The following RAB39A variants were observed in gnomAD, a reference collection of about 807,000 sequenced individuals.
RAB39A encodes ras-related protein Rab-39A.
A neutral mutation model predicts 20.9 loss-of-function variants in RAB39A; 17 were observed. That is an observed-to-expected ratio of 0.81 (90% CI 0.56 to 1.22). RAB39A has a LOEUF of 1.22. RAB39A is among the 50% of genes most tolerant of loss of function. RAB39A has a pLI of 0.00. For synonymous variants in RAB39A, 99 were observed against 103.4 expected (o/e 0.96, Z 0.26); for missense variants, 234 against 270.5 (o/e 0.87, Z 0.95).
At chr11:107,938,669 G>A (rs965284716) in intron 1 of RAB39A, among the ~76,000 whole-genome samples, 3 of 150,396 alleles carry the variant, frequency 2.0e-5, no homozygotes, top group Non-Finnish European at 4.4e-5. Flanking sequence ...CCCAAAGGTC[G>A]AGGCTGCAGT....
intron 1 of RAB39A, among the ~76,000 whole-genome samples, chr11:107,949,848 C>T (rs1442519449): frequency 1.3e-5 from 2 of 152,122 alleles, no homozygotes; most frequent in East Asian, 3.8e-4. Context: ...TAAATTACTA[C>T]CCATTTAAAT....
intron 1 of RAB39A, among the ~76,000 whole-genome samples, chr11:107,937,216 G>A (rs1333179402): frequency 6.6e-6 from 1 of 151,632 alleles, no homozygotes; most frequent in Non-Finnish European, 1.5e-5. Context: ...GCTCACTGCA[G>A]CCCAAACTCT....
At chr11:107,946,394 A>ATGTGTGTG (rs1421648814) in intron 1 of RAB39A, among the ~76,000 whole-genome samples, 2 of 38,446 alleles carry the variant, frequency 5.2e-5, no homozygotes, top group South Asian at 2.5e-3. Flanking sequence ...GTGGGTGTAT[A>ATGTGTGTG]TATGTGTGTG....
chr11:107,940,409 G>A (rs75858019), intron 1 of RAB39A, among the ~76,000 whole-genome samples: 13 of 151,734 alleles, frequency 8.6e-5, no homozygotes, highest in South Asian at 2.1e-4. Flanking sequence ...GACTACAGGC[G>A]CACGCCACCA....
At chr11:107,957,100 A>C (rs1387270305) in intron 1 of RAB39A, among the ~76,000 whole-genome samples, 3 of 152,236 alleles carry the variant, frequency 2.0e-5, no homozygotes, top group Non-Finnish European at 4.4e-5. Context: ...GAAATGGATA[A>C]GAAAGGAAGA....
intron 1 of RAB39A, among the ~76,000 whole-genome samples, chr11:107,948,263 T>C (rs1322489378): frequency 2.6e-5 from 4 of 152,174 alleles, no homozygotes; most frequent in Non-Finnish European, 5.9e-5. Context: ...ATTGAATTAT[T>C]GAGAAGTACA....
intron 1 of RAB39A, among the ~76,000 whole-genome samples, chr11:107,934,051 C>T (rs765835842): frequency 2.0e-5 from 3 of 152,008 alleles, no homozygotes; most frequent in Non-Finnish European, 2.9e-5. Context: ...ATCAAAGGCT[C>T]GAAGAAGTAT....
Position 107,928,997 on chromosome 11 carries a change from C to A in RAB39A, c.227+202C>A, listed in dbSNP as rs1861111595. Among the ~76,000 whole-genome samples the A allele has an allele frequency of 6.6e-6, 1 of 152,234 alleles. No individual in the cohort carries two copies. Among genetic ancestry groups the A allele is most frequent in the African/African-American group, 2.4e-5 (1 of 41,540 alleles). On this transcript the variant is annotated intron_variant, in intron 1 of 1. Transcript: ENST00000320578. The surrounding 1 kb of genome is among the most constrained non-coding windows in gnomAD (Gnocchi z 4.9). ...CTCCTCCGCAATTTCTCACTTCTTTCTTTGGCGCCCATTTCCTGCGCCCCC... is the reference window on the plus strand; with the variant it reads ...CTCCTCCGCAATTTCTCACTTCTTTATTTGGCGCCCATTTCCTGCGCCCCC...
intron 1 of RAB39A, among the ~76,000 whole-genome samples, chr11:107,949,896 GGC>G (rs1388210280): frequency 6.6e-6 from 1 of 152,138 alleles, no homozygotes; most frequent in African/African-American, 2.4e-5. Context: ...ATTTTGGCCG[GGC>G]GCGGTGGCTC....
intron 1 of RAB39A, among the ~76,000 whole-genome samples, chr11:107,959,709 AGG>A (rs1861476149): frequency 6.6e-6 from 1 of 152,226 alleles, no homozygotes; most frequent in South Asian, 2.1e-4. Context: ...TTATGGCATC[AGG>A]GCACTGAACT....
At chr11:107,953,809 C>T (rs764598380) in intron 1 of RAB39A, among the ~76,000 whole-genome samples, 39 of 152,214 alleles carry the variant, frequency 2.6e-4, no homozygotes, top group Admixed American at 6.5e-4. Context: ...ATGTAGACAT[C>T]CTGAAGGATT....
chr11:107,940,542 G>A (rs1193271295), intron 1 of RAB39A, among the ~76,000 whole-genome samples: 2 of 152,056 alleles, frequency 1.3e-5, no homozygotes, highest in African/African-American at 4.8e-5. Context: ...GGGATTACAG[G>A]TGCGAGCCTG....
intron 1 of RAB39A, among the ~76,000 whole-genome samples, chr11:107,954,641 T>G (rs1250943087): frequency 6.6e-6 from 1 of 152,226 alleles, no homozygotes; most frequent in Non-Finnish European, 1.5e-5. Flanking sequence ...GCATATTGTT[T>G]AGAGCCATTT....
chr11:107,944,312 A>G (rs1384030410), intron 1 of RAB39A, among the ~76,000 whole-genome samples: 2 of 152,114 alleles, frequency 1.3e-5, no homozygotes, highest in Non-Finnish European at 2.9e-5. Flanking sequence ...ATTTAGTGTC[A>G]TGGCCACAAC....
At chr11:107,955,559 A>G (rs1484749845) in intron 1 of RAB39A, among the ~76,000 whole-genome samples, 3 of 152,146 alleles carry the variant, frequency 2.0e-5, no homozygotes, top group Admixed American at 1.3e-4. Flanking sequence ...GTTTCCTCCA[A>G]AATTAAAAAC....
chr11:107,947,246 C>T (rs1242614779), intron 1 of RAB39A, among the ~76,000 whole-genome samples: 1 of 151,908 alleles, frequency 6.6e-6, no homozygotes, highest in Non-Finnish European at 1.5e-5. Flanking sequence ...GGACTACAGG[C>T]GTCCGCCACC....
At chr11:107,938,197 T>A (rs1026866034) in intron 1 of RAB39A, among the ~76,000 whole-genome samples, 1 of 151,388 alleles carries the variant, frequency 6.6e-6, no homozygotes, top group Non-Finnish European at 1.5e-5. Context: ...ACCCAGTCTC[T>A]ACTAAAAATA....
intron 1 of RAB39A, among the ~76,000 whole-genome samples, chr11:107,952,092 A>C (rs1861386482): frequency 2.0e-5 from 3 of 152,234 alleles, no homozygotes; most frequent in Admixed American, 2.0e-4. Context: ...GAGGAAAATC[A>C]AACAGTTAAT....
chr11:107,946,452 ATATATATATTT>A (rs1861316613), intron 1 of RAB39A, among the ~76,000 whole-genome samples: 13 of 71,798 alleles, frequency 1.8e-4, no homozygotes, highest in Non-Finnish European at 2.4e-4. Flanking sequence ...ATATATATAT[ATATATATATTT>A]TTTTTTTTTT....
Sources: allele counts gnomAD v4.1 joint callset (sites outside exome capture counted in the v4.1 genomes callset), GRCh38; gene constraint gnomAD v4.1.1; non-coding constraint Gnocchi (gnomAD v3.1); transcripts MANE v1.5; gene names NCBI Gene and HGNC (gene_info 2026-07-23, HGNC 2026-07-21).